TTC6: variants seen among roughly 807,000 people sequenced by gnomAD.
TTC6 encodes tetratricopeptide repeat domain 6.
Under a neutral mutation model 210.4 loss-of-function variants are expected in TTC6, and 172 were observed. That is an observed-to-expected ratio of 0.82 (90% CI 0.72 to 0.93). TTC6 has a LOEUF of 0.93. TTC6 is among the 40% of genes least tolerant of loss of function. The pLI, the probability that TTC6 is intolerant of heterozygous loss-of-function variation, is 0.00. For missense variants in TTC6, 2,414 were observed against 2,318.1 expected (o/e 1.04, Z -0.85); for synonymous variants, 804 against 819.6 (o/e 0.98, Z 0.32).
chr14:37,692,208 C>CAAAAAAAAAAAAAAAAAAAAAAAAAAGA (rs3062759), intron 3 of TTC6, among the ~76,000 whole-genome samples: 1 of 40,154 alleles, frequency 2.5e-5, no homozygotes, highest in African/African-American at 1.2e-4. Context: ...AAAGACACAC[C>CAAAAAAAAAAAAAAAAAAAAAAAAAAGA]AAAAAAAAAA....
At chr14:37,607,599 T>C (rs1355385484) in intron 2 of TTC6, among the ~76,000 whole-genome samples, 3 of 152,034 alleles carry the variant, frequency 2.0e-5, no homozygotes, top group Non-Finnish European at 4.4e-5. Context: ...TGGGTTAAAA[T>C]ACATGCAAGT....
chr14:37,775,526 A>AT (rs2096034520), intron 14 of TTC6, among the ~76,000 whole-genome samples: 1 of 152,070 alleles, frequency 6.6e-6, no homozygotes, highest in African/African-American at 2.4e-5. Flanking sequence ...TTTCCATGTA[A>AT]TTTTGTGGCT....
intron 2 of TTC6, among the ~76,000 whole-genome samples, chr14:37,609,888 G>GC (rs1222043564): frequency 4.6e-5 from 7 of 152,188 alleles, no homozygotes; most frequent in Non-Finnish European, 1.0e-4. Flanking sequence ...GAGTAAAGCT[G>GC]CCCATACAGA....
chr14:37,679,765 A>G (rs1008360954), intron 1 of TTC6, among the ~76,000 whole-genome samples: 3 of 152,062 alleles, frequency 2.0e-5, no homozygotes, highest in Non-Finnish European at 4.4e-5. Context: ...ATCTCAGCTC[A>G]CTGCAACCTC....
At chr14:37,762,067 C>T (rs1476212137) in intron 14 of TTC6, among the ~76,000 whole-genome samples, 1 of 152,120 alleles carries the variant, frequency 6.6e-6, no homozygotes, top group Non-Finnish European at 1.5e-5. Context: ...TAAACGAGAA[C>T]ATTTGGTATT....
chr14:37,830,749 G>GA lies in TTC6; in HGVS notation c.5298+3384dup, dbSNP rs2096182769. Among the ~76,000 whole-genome samples the GA allele has an allele frequency of 5.8e-5, 3 of 51,438 alleles. No homozygotes were observed. In the Admixed American group the frequency reaches 7.7e-4, roughly 13 times the overall value. 33.7% of individuals were successfully genotyped at this position (51,438 alleles called of 152,430 possible). A position where few individuals can be genotyped will look rare whatever the true frequency, so the allele number is the denominator to read the frequency against. ...TCCTTAAAAATTTTTTTCTAAAATA[G>GA]ATTTTTTTAAATGAATTTTTTTCAA... On this transcript the variant is annotated intron_variant, in intron 29 of 30. Coordinates refer to ENST00000553443, the Ensembl canonical transcript of TTC6.
At position 37,826,188 on chromosome 14, in the gene TTC6, AT is replaced by A; in HGVS notation, c.4975-3del. 1 of 1,574,446 alleles carries A rather than the reference AT, an allele frequency of 6.4e-7. No individual in the cohort carries two copies. The highest frequency in any genetic ancestry group is 8.6e-7 in the Non-Finnish European group (1 of 1,156,286). On this transcript the variant is annotated splice_polypyrimidine_tract_variant and splice_region_variant and intron_variant, in intron 27 of 30. Coordinates refer to ENST00000553443, the Ensembl canonical transcript of TTC6. ...TCCTACTTCGTGTAATTGGAAAATT[AT>A]TTTAGGCCCAAGGAAAATTCCAGAA...
At chr14:37,824,069 CT>C (rs1282111286) in intron 27 of TTC6, 112 bp downstream of exon 29, 1 of 989,860 alleles carries the variant, frequency 1.0e-6, no homozygotes, top group African/African-American at 1.6e-5. Flanking sequence ...GAACATTTAC[CT>C]TTTCTTTACT....
intron 6 of TTC6, among the ~76,000 whole-genome samples, chr14:37,724,217 C>T (rs2095867223): frequency 6.6e-6 from 1 of 151,996 alleles, no homozygotes; most frequent in South Asian, 2.1e-4. Flanking sequence ...CATTTCTCTT[C>T]CTCCCTACCC....
At chr14:37,731,430 C>T (rs1250647591) in intron 7 of TTC6, among the ~76,000 whole-genome samples, 2 of 152,132 alleles carry the variant, frequency 1.3e-5, no homozygotes, top group Non-Finnish European at 2.9e-5. Context: ...AAACACGACA[C>T]TAAATAGGCC....
chr14:37,836,235 A>T (rs1440427197), intron 29 of TTC6, among the ~76,000 whole-genome samples: 1 of 152,184 alleles, frequency 6.6e-6, no homozygotes, highest in Non-Finnish European at 1.5e-5. Flanking sequence ...AGCTAATGTC[A>T]TCTAATCCTG....
At chr14:37,840,869 AT>A (rs71127249) in intron 29 of TTC6, among the ~76,000 whole-genome samples, 6,596 of 137,432 alleles carry the variant, frequency 0.048, 388 homozygotes, top group African/African-American at 0.15. Flanking sequence ...CAGTGGGAGG[AT>A]TTTTTTTTTT....
At chr14:37,781,506 T>G (rs1301978837) in intron 14 of TTC6, among the ~76,000 whole-genome samples, 1 of 152,186 alleles carries the variant, frequency 6.6e-6, no homozygotes, top group African/African-American at 2.4e-5. Context: ...GTTTACATTC[T>G]TTGTAGATTC....
chr14:37,621,352 G>C (rs560989094), upstream of TTC6, among the ~76,000 whole-genome samples: 7 of 152,372 alleles, frequency 4.6e-5, no homozygotes, highest in African/African-American at 1.7e-4. Flanking sequence ...GCTCATGCCT[G>C]TAATTCCAAC....
chr14:37,604,042 A>T (rs1261126776), intron 1 of TTC6, among the ~76,000 whole-genome samples: 1 of 152,192 alleles, frequency 6.6e-6, no homozygotes, highest in African/African-American at 2.4e-5. Context: ...ATGCTGGGAC[A>T]TGTAGTGTCA....
At chr14:37,711,312 G>A (rs963212438) in intron 5 of TTC6, among the ~76,000 whole-genome samples, 1 of 152,076 alleles carries the variant, frequency 6.6e-6, no homozygotes, top group African/African-American at 2.4e-5. Flanking sequence ...ATGCTCTACT[G>A]TGAAAAAGGC....
rs1566977783 is a variant in TTC6, at chr14:37,827,285, T to TG, written c.5218dup (p.Ala1740GlyfsTer14). The TG allele has an allele frequency of 1.9e-6, 3 of 1,612,468 alleles. No individual in the cohort carries two copies. Among genetic ancestry groups the TG allele is most frequent in the Non-Finnish European group, 2.5e-6 (3 of 1,178,732 alleles). On this transcript the variant is annotated frameshift_variant, in exon 29 of 31. Coordinates refer to ENST00000553443, the Ensembl canonical transcript of TTC6. LOFTEE classifies it high-confidence loss of function. ...AGAATGCAATGAAAGACTACCAAGA[T>TG]GCAATTACTCTAAACCCCAAGTACT...
chr14:37,668,545 C>T (rs2095752553), intron 1 of TTC6, among the ~76,000 whole-genome samples: 1 of 135,898 alleles, frequency 7.4e-6, no homozygotes, highest in Non-Finnish European at 1.8e-5. Flanking sequence ...GAGCAACCTG[C>T]AAGCTCTTGA....
At chr14:37,628,988 A>G (rs1355000500) in intron 1 of TTC6, among the ~76,000 whole-genome samples, 1 of 152,160 alleles carries the variant, frequency 6.6e-6, no homozygotes, top group East Asian at 1.9e-4. Flanking sequence ...TACCAGTACC[A>G]TGCTGTTTTG....
Sources: gnomAD v4.1 joint callset for allele counts (sites outside exome capture counted in the v4.1 genomes callset) on GRCh38, gnomAD v4.1.1 for gene constraint, MANE v1.5 for transcripts, NCBI Gene and HGNC (gene_info 2026-07-23, HGNC 2026-07-21) for gene names.